Variants in KIF13A observed in about 807,000 individuals in gnomAD.
The protein encoded by KIF13A is kinesin-like protein KIF13A.
KIF13A carries 79 observed loss-of-function variants against 212.2 expected under a neutral mutation model. The ratio of observed to expected loss-of-function variants is 0.37; its 90% CI spans 0.31 to 0.45. KIF13A has a LOEUF of 0.45. KIF13A is among the 20% of genes least tolerant of loss of function. The probability of loss-of-function intolerance (pLI) is 1.00; values close to 1 mark genes in which losing one functional copy is unlikely to be tolerated. For synonymous variants in KIF13A, 789 were observed against 808.6 expected, an observed-to-expected ratio of 0.98 and a Z score of 0.41; for missense variants, 1,901 against 2,209.0, an observed-to-expected ratio of 0.86 and a Z score of 2.79.
At chr6:17,905,361 C>T (rs768195841) in intron 2 of KIF13A, among the ~76,000 whole-genome samples, 17 of 152,128 alleles carry the variant, frequency 1.1e-4, no homozygotes, top group Admixed American at 4.6e-4. Context: ...CTCTGACATC[C>T]GGAAGCTTAA....
intron 2 of KIF13A, among the ~76,000 whole-genome samples, chr6:17,957,758 T>C (rs1363022818): frequency 1.3e-5 from 2 of 152,158 alleles, no homozygotes; most frequent in African/African-American, 4.8e-5. Flanking sequence ...ACAGAAGTCT[T>C]CTGTGTTGCT....
intron 2 of KIF13A, among the ~76,000 whole-genome samples, chr6:17,916,846 T>C (rs534387602): frequency 2.2e-4 from 34 of 152,250 alleles, no homozygotes; most frequent in African/African-American, 7.7e-4. Flanking sequence ...TAACCCTGAG[T>C]ATTATTGGTG....
In KIF13A at chr6:17,883,242, G is replaced by A. The variant is rs894618687; in HGVS notation, c.160-9805C>T. Among the ~76,000 whole-genome samples the A allele has an allele frequency of 1.3e-5, 2 of 152,136 alleles. No individual in the cohort carries two copies. Among genetic ancestry groups the A allele is most frequent in the African/African-American group, 4.8e-5 (2 of 41,432 alleles). ...TGTGCCTATAGTCCCAGATACTCAGGAGGCTGAAGCAAGAGGACTGCTTGA... is the reference window on the plus strand; with the variant it reads ...TGTGCCTATAGTCCCAGATACTCAGAAGGCTGAAGCAAGAGGACTGCTTGA... On this transcript the variant is annotated intron_variant, in intron 3 of 38. Transcript: ENST00000259711. The surrounding 1 kb of genome is among the most constrained non-coding windows in gnomAD (Gnocchi z 4.8).
chr6:17,822,091 G>A (rs1764515197), intron 16 of KIF13A, among the ~76,000 whole-genome samples: 1 of 146,596 alleles, frequency 6.8e-6, no homozygotes, highest in African/African-American at 2.5e-5. Context: ...CCAGGTTGAA[G>A]TGCAATGGTG....
In KIF13A at chr6:17,781,233, T is replaced by C; in HGVS notation, c.3613A>G (p.Lys1205Glu). The C allele has an allele frequency of 6.2e-7, 1 of 1,613,840 alleles. No homozygotes were observed. Among genetic ancestry groups the C allele is most frequent in the Non-Finnish European group, 8.5e-7 (1 of 1,179,816 alleles). Residue 1205 changes from lysine to glutamate, a missense_variant, in exon 30 of 39, where the codon AAG becomes GAG. Around this residue, in one of 5 missense-constraint regions of KIF13A, gnomAD observed 687 missense variants for 759.1 expected, o/e 0.90. Transcript: ENST00000259711. ...HASGVNSILP[K>E]EHGSQFFYLP... is the part of the protein sequence containing the mutation. Reference sequence around the variant, plus strand: ...TAGAAAAACTGGCTGCCATGCTCCTTGGGCAGGATGGAGTTCACGCCGGAT... The same window carrying C: ...TAGAAAAACTGGCTGCCATGCTCCTCGGGCAGGATGGAGTTCACGCCGGAT...
intron 16 of KIF13A, among the ~76,000 whole-genome samples, chr6:17,820,406 C>T (rs1764330242): frequency 1.3e-5 from 2 of 152,292 alleles, no homozygotes; most frequent in East Asian, 1.9e-4. Flanking sequence ...TCTGCAAACA[C>T]CTTTCTCACG....
intron 9 of KIF13A, among the ~76,000 whole-genome samples, chr6:17,841,324 C>A (rs1440780284): frequency 6.6e-6 from 1 of 152,144 alleles, no homozygotes. Flanking sequence ...CTTGGCCTCC[C>A]AAAGTGCTGG....
chr6:17,800,157 G>C (rs1159844997), intron 20 of KIF13A, 44 bp from the exon 21 acceptor site: 1 of 1,585,926 alleles, frequency 6.3e-7, no homozygotes, highest in Non-Finnish European at 8.6e-7. Context: ...CAGACATCCT[G>C]TGGGCAACCT....
In KIF13A at chr6:17,838,896, T is replaced by G. The variant is rs1040913717; in HGVS notation, c.831-1313A>C. Among the ~76,000 whole-genome samples the G allele has an allele frequency of 3.9e-5, 6 of 152,166 alleles. No individual in the cohort carries two copies. Among genetic ancestry groups the G allele is most frequent in the Admixed American group, 1.3e-4 (2 of 15,272 alleles). On this transcript the variant is annotated intron_variant, in intron 9 of 38. Transcript: ENST00000259711. This position sits in a 1 kb window ranked among gnomAD's most constrained non-coding sequence, Gnocchi z 4.2. ...GTGGCATGATATGATTTTGGCTCAA[T>G]GCAACCTCCACCTCCCAGGTTCAAG...
In KIF13A at chr6:17,977,213, G is replaced by C. The variant is rs1316881508; in HGVS notation, c.146+9841C>G. On this transcript the variant is annotated intron_variant, in intron 2 of 38. Transcript: ENST00000259711. The stretch of plus-strand genomic sequence containing the variant: ...AGGGTGGGGCCCTCCAGGTGATTCT[G>C]ATGCACATTCAAGTTTGAATACCAC... Among the ~76,000 whole-genome samples the C allele has an allele frequency of 4.0e-5, 6 of 151,018 alleles. No homozygotes were observed. The East Asian group carries it at 1.2e-3, about 29-fold the overall frequency.
At chr6:17,930,055 A>G (rs1775861356) in intron 2 of KIF13A, among the ~76,000 whole-genome samples, 1 of 152,226 alleles carries the variant, frequency 6.6e-6, no homozygotes, top group Non-Finnish European at 1.5e-5. Context: ...TCTGCCTGCA[A>G]TGCTTAAAAA....
At chr6:17,765,190 C>T (rs956780751) in intron 38 of KIF13A, among the ~76,000 whole-genome samples, 11 of 152,172 alleles carry the variant, frequency 7.2e-5, no homozygotes, top group Non-Finnish European at 1.5e-4. Flanking sequence ...TTCTTTTAGG[C>T]TCACTCAGTG....
At chr6:17,952,707 G>T (rs1032364670) in intron 2 of KIF13A, among the ~76,000 whole-genome samples, 2 of 152,118 alleles carry the variant, frequency 1.3e-5, no homozygotes, top group African/African-American at 4.8e-5. Context: ...GAGGCAGGCA[G>T]ATCACGAGGT....
chr6:17,856,657 T>C lies in KIF13A; in HGVS notation c.221-535A>G, dbSNP rs1430533259. On this transcript the variant is annotated intron_variant, in intron 4 of 38. Transcript: ENST00000259711. The surrounding 1 kb of genome is among the most constrained non-coding windows in gnomAD (Gnocchi z 4.5). ...GTCACCTGTGTCCCCACAGCGGGAGTGGGGGACAAGTTCTCTTTTGTGAAT... is the reference window on the plus strand; with the variant it reads ...GTCACCTGTGTCCCCACAGCGGGAGCGGGGGACAAGTTCTCTTTTGTGAAT... Among the ~76,000 whole-genome samples the C allele has an allele frequency of 6.6e-6, 1 of 151,886 alleles. No individual in the cohort carries two copies. Among genetic ancestry groups the C allele is most frequent in the Admixed American group, 6.6e-5 (1 of 15,236 alleles).
chr6:17,937,251 G>A (rs1167404845), intron 2 of KIF13A, among the ~76,000 whole-genome samples: 1 of 152,142 alleles, frequency 6.6e-6, no homozygotes, highest in African/African-American at 2.4e-5. Flanking sequence ...CCTTTCAAGT[G>A]GAGAACAGCA....
intron 2 of KIF13A, among the ~76,000 whole-genome samples, chr6:17,985,987 T>C (rs1781519216): frequency 6.6e-6 from 1 of 152,176 alleles, no homozygotes; most frequent in Non-Finnish European, 1.5e-5. Flanking sequence ...TTTCCCCAAA[T>C]TTGGCAAAAC....
rs145420248 is a variant in KIF13A, at chr6:17,855,190, C to CA, written c.494+246dup. Among the ~76,000 whole-genome samples the CA allele has an allele frequency of 0.021, 3,158 of 149,036 alleles. 47 individuals carry two copies. Among genetic ancestry groups the CA allele is most frequent in the Non-Finnish European group, 0.033 (2,226 of 67,218 alleles). ...AATTTTTGTGAATAGTTCATGGTGG[C>CA]AAAAAAAAATACCAATAGTAAAAAC... On this transcript the variant is annotated intron_variant, in intron 6 of 38. Coordinates refer to ENST00000259711, the MANE Select transcript of KIF13A (RefSeq NM_022113.6). This position sits in a 1 kb window ranked among gnomAD's most constrained non-coding sequence, Gnocchi z 4.1.
At chr6:17,868,795 C>T (rs1053800994) in intron 4 of KIF13A, among the ~76,000 whole-genome samples, 1 of 151,250 alleles carries the variant, frequency 6.6e-6, no homozygotes, top group African/African-American at 2.4e-5. Context: ...GAGTTCAAGG[C>T]CAGCCTGGCC....
chr6:17,793,234 C>G (rs559169765), intron 25 of KIF13A, among the ~76,000 whole-genome samples: 13 of 152,044 alleles, frequency 8.6e-5, no homozygotes, highest in African/African-American at 3.1e-4. Context: ...TCATGCACCA[C>G]GACACCTGGC....
Sources: allele counts gnomAD v4.1 joint callset (sites outside exome capture counted in the v4.1 genomes callset), GRCh38; gene constraint gnomAD v4.1.1; regional missense constraint gnomAD v4.1.1; non-coding constraint Gnocchi (gnomAD v3.1); transcripts MANE v1.5; gene names NCBI Gene and HGNC (gene_info 2026-07-23, HGNC 2026-07-21).